Variants in NSMCE1 observed in about 807,000 individuals in gnomAD.
NSMCE1 encodes NSE1 component of SMC5/6 complex.
Under a neutral mutation model 29.6 loss-of-function variants are expected in NSMCE1, and 18 were observed. That is an observed-to-expected ratio of 0.61 (90% CI 0.42 to 0.90). NSMCE1 has a LOEUF of 0.90. Ranked by LOEUF, NSMCE1 falls within the 40% of genes least tolerant of loss-of-function variation. The pLI is 0.00. For synonymous variants in NSMCE1, 124 were observed against 133.4 expected (o/e 0.93, Z 0.49); for missense variants, 314 against 343.6 (o/e 0.91, Z 0.68).
intron 2 of NSMCE1, among the ~76,000 whole-genome samples, chr16:27,248,722 T>C (rs569286482): frequency 6.6e-6 from 1 of 152,108 alleles, no homozygotes; most frequent in East Asian, 1.9e-4. Flanking sequence ...ATTTTTTAAA[T>C]GTCTAATGAT....
intron 2 of NSMCE1, chr16:27,241,814 C>T (rs774933889): frequency 6.6e-6 from 3 of 454,062 alleles, no homozygotes; most frequent in South Asian, 3.1e-5. Context: ...AGCAGACCCT[C>T]AGCAACCAAT....
Position 27,226,920 on chromosome 16 carries a change from C to T in NSMCE1, c.484-84G>A, listed in dbSNP as rs185637504. The stretch of plus-strand genomic sequence containing the variant: ...TCTCTTCCCTCTGTGATCCCACAGC[C>T]CAGTGCTCAGGAAGACACAAGGGTC... On this transcript the variant is annotated intron_variant, in intron 5 of 7. Transcript: ENST00000361439. 2.0e-4 allele frequency: 172 copies of T among 867,264 alleles called. No individual in the cohort carries two copies. In the East Asian group the frequency reaches 4.1e-3, roughly 21 times the overall value. The allele number at this position is 867,264 out of a possible 1,614,324, so 53.7% of individuals were successfully genotyped here.
intron 2 of NSMCE1, among the ~76,000 whole-genome samples, chr16:27,236,520 C>T (rs992589048): frequency 6.6e-6 from 1 of 152,216 alleles, no homozygotes; most frequent in East Asian, 1.9e-4. Flanking sequence ...TGGTCTCGAT[C>T]TCCTGACCTC....
At chr16:27,227,739 T>C (rs868700184) in intron 5 of NSMCE1, among the ~76,000 whole-genome samples, 2 of 152,102 alleles carry the variant, frequency 1.3e-5, no homozygotes, top group Non-Finnish European at 1.5e-5. Context: ...TTCTAATTTT[T>C]AATTTTTACA....
rs2083778709 is a variant in NSMCE1 at position 27,233,021 on chromosome 16, GAACA to G, written c.459_462del (p.Val154LysfsTer5). ...AGTACCTCAATCAGCCACTTGTTTT[GAACA>G]AACTTCTGCAGCACCTGCTCCGCTT... On this transcript the variant is annotated frameshift_variant, in exon 5 of 8. Coordinates refer to ENST00000361439, the MANE Select transcript of NSMCE1 (RefSeq NM_145080.4). LOFTEE classifies it high-confidence loss of function. 6.2e-7 allele frequency: 1 copy of G among 1,613,990 alleles called. No individual in the cohort carries two copies. Among genetic ancestry groups the G allele is most frequent in the African/African-American group, 1.3e-5 (1 of 74,922 alleles).
intron 2 of NSMCE1, among the ~76,000 whole-genome samples, chr16:27,237,515 A>C (rs2083839102): frequency 6.6e-6 from 1 of 152,154 alleles, no homozygotes; most frequent in Admixed American, 6.5e-5. Context: ...TCCACCCCCA[A>C]GGGGAGCCAA....
Position 27,225,032 on chromosome 16 carries a change from G to T in NSMCE1, c.*125C>A. ...CAGGATGGTTTATTCCAAAGCTGTG[G>T]ACGGTGAACATTAAGACGAAAGAGG... On this transcript the variant is annotated 3_prime_UTR_variant, in exon 8 of 8. Transcript: ENST00000361439. The T allele has an allele frequency of 1.5e-6, 1 of 649,112 alleles. No homozygotes were observed. The allele number at this position is 649,112 out of a possible 1,614,324, so 40.2% of individuals were successfully genotyped here. A position where few individuals can be genotyped will look rare whatever the true frequency, so the allele number is the denominator to read the frequency against.
intron 1 of NSMCE1, among the ~76,000 whole-genome samples, chr16:27,267,544 G>C (rs558534063): frequency 3.3e-5 from 5 of 151,270 alleles, no homozygotes; most frequent in African/African-American, 1.2e-4. Flanking sequence ...TGAGTGAACA[G>C]AACAACTACA....
At chr16:27,226,103 G>A (rs2083687949) in intron 6 of NSMCE1, 3 of 371,682 alleles carry the variant, frequency 8.1e-6, no homozygotes, top group Admixed American at 8.5e-5. Flanking sequence ...CCAAACTCCT[G>A]CACTCAGATC....
At chr16:27,250,672 A>T (rs988375529) in intron 2 of NSMCE1, among the ~76,000 whole-genome samples, 2 of 151,512 alleles carry the variant, frequency 1.3e-5, no homozygotes, top group East Asian at 3.9e-4. Flanking sequence ...ACGTGCCTGT[A>T]ATCCCAGCTA....
At position 27,226,764 on chromosome 16, in the gene NSMCE1, CG is replaced by C; in HGVS notation, c.555del (p.Asp186ThrfsTer3). 6.2e-7 allele frequency: 1 copy of C among 1,613,954 alleles called. No homozygotes were observed. Among genetic ancestry groups the C allele is most frequent in the Non-Finnish European group, 8.5e-7 (1 of 1,179,838 alleles). On this transcript the variant is annotated frameshift_variant, in exon 6 of 8. Coordinates refer to ENST00000361439, the MANE Select transcript of NSMCE1 (RefSeq NM_145080.4). LOFTEE classifies it high-confidence loss of function. ...CAGATATTGCAGATCTTCACCGCGT[CG>C]GGGTACGTCTCCCGGATGTATTGCT... is the stretch of plus-strand genomic sequence containing the variant. ...EMEQYIRETYPDAVKICNICH... is the reference protein window; with the variant it reads ...EMEQYIRETYXDAVKICNICH...
At chr16:27,226,079 GAAGCCGAGGGCTCCCAAACTCCT>G in intron 6 of NSMCE1, 1 of 459,504 alleles carries the variant, frequency 2.2e-6, no homozygotes, top group African/African-American at 2.0e-5. Flanking sequence ...CGCAGTGACA[GAAGCCGAGGGCTCCCAAACTCCT>G]GCACTCAGAT....
At chr16:27,249,045 G>A (rs2141002842) in intron 2 of NSMCE1, among the ~76,000 whole-genome samples, 1 of 151,892 alleles carries the variant, frequency 6.6e-6, no homozygotes, top group Admixed American at 6.6e-5. Flanking sequence ...GCCCAGGCTG[G>A]CCTCAAACTC....
chr16:27,240,829 T>G (rs2083886006), intron 2 of NSMCE1, among the ~76,000 whole-genome samples: 3 of 152,130 alleles, frequency 2.0e-5, no homozygotes, highest in Admixed American at 2.0e-4. Flanking sequence ...TCACAGTACT[T>G]TGGAAGGCCA....
chr16:27,250,718 A>G (rs970749823), intron 2 of NSMCE1, among the ~76,000 whole-genome samples: 26 of 151,628 alleles, frequency 1.7e-4, no homozygotes, highest in African/African-American at 6.3e-4. Flanking sequence ...GCTTAAACCC[A>G]GGAGGCGGAG....
At chr16:27,230,687 A>C (rs2140987754) in intron 5 of NSMCE1, 1 of 152,426 alleles carries the variant, frequency 6.6e-6, no homozygotes, top group Admixed American at 6.5e-5. Flanking sequence ...CAGGCCAGGC[A>C]GTCAACAAGA....
intron 4 of NSMCE1, among the ~76,000 whole-genome samples, chr16:27,233,424 C>T (rs544248530): frequency 2.6e-5 from 4 of 152,152 alleles, no homozygotes; most frequent in African/African-American, 7.2e-5. Flanking sequence ...CGGCTGGCCT[C>T]GGAGGCAGTG....
At chr16:27,254,069 T>C (rs1007398462) in intron 2 of NSMCE1, among the ~76,000 whole-genome samples, 1 of 152,222 alleles carries the variant, frequency 6.6e-6, no homozygotes. Context: ...GTTTCATAAT[T>C]TTCCTAGAAG....
intron 5 of NSMCE1, among the ~76,000 whole-genome samples, chr16:27,228,065 G>A (rs34913006): frequency 0.3 from 45,534 of 151,984 alleles, 7,242 homozygotes; most frequent in East Asian, 0.46. Context: ...GATTGCAGGC[G>A]TGAGTCACCG....
Sources: gnomAD v4.1 joint callset for allele counts (sites outside exome capture counted in the v4.1 genomes callset) on GRCh38, gnomAD v4.1.1 for gene constraint, MANE v1.5 for transcripts, NCBI Gene and HGNC (gene_info 2026-07-23, HGNC 2026-07-21) for gene names.